PTK2B: variants seen among roughly 807,000 people sequenced by gnomAD.
PTK2B encodes the protein protein-tyrosine kinase 2-beta.
A neutral mutation model predicts 142.9 loss-of-function variants in PTK2B; 71 were observed. The observed-to-expected ratio is 0.50, with a 90% confidence interval of 0.41 to 0.61. PTK2B has a LOEUF of 0.61. Ranked by LOEUF, PTK2B falls within the 20% of genes least tolerant of loss-of-function variation. The pLI, the probability that PTK2B is intolerant of heterozygous loss-of-function variation, is 0.00. For missense variants in PTK2B, 1,105 were observed against 1,320.4 expected (o/e 0.84, Z 2.53); for synonymous variants, 519 against 503.4 (o/e 1.03, Z -0.42).
chr8:27,398,939 T>C (rs1256725260), intron 2 of PTK2B, among the ~76,000 whole-genome samples: 2 of 152,246 alleles, frequency 1.3e-5, no homozygotes, highest in Non-Finnish European at 2.9e-5. Flanking sequence ...TACAGTTTGA[T>C]TGGCTCTCTC....
intron 3 of PTK2B, among the ~76,000 whole-genome samples, chr8:27,319,470 G>C (rs1161276134): frequency 6.6e-6 from 1 of 151,430 alleles, no homozygotes; most frequent in East Asian, 1.9e-4. Flanking sequence ...GTGAAACCCC[G>C]TCTCTACTAA....
chr8:27,375,461 C>T (rs1806608678), intron 1 of PTK2B, among the ~76,000 whole-genome samples: 1 of 152,210 alleles, frequency 6.6e-6, no homozygotes, highest in African/African-American at 2.4e-5. Flanking sequence ...ATGCCATCAT[C>T]ATTTCTGTTC....
intron 4 of PTK2B, among the ~76,000 whole-genome samples, chr8:27,421,601 C>T (rs1442453089): frequency 1.3e-5 from 2 of 152,246 alleles, no homozygotes; most frequent in African/African-American, 4.8e-5. Flanking sequence ...TGGTCTCCAA[C>T]TCCATCCAGG....
chr8:27,425,718 C>T (rs1810044252), intron 5 of PTK2B, among the ~76,000 whole-genome samples: 1 of 152,146 alleles, frequency 6.6e-6, no homozygotes, highest in Non-Finnish European at 1.5e-5. Context: ...CTATATCTAC[C>T]ATTATAGCAT....
chr8:27,449,578 A>G (rs6557999), intron 24 of PTK2B, among the ~76,000 whole-genome samples: 30,005 of 152,288 alleles, frequency 0.2, 2,990 homozygotes, highest in Middle Eastern at 0.23. Flanking sequence ...GGGACCTGCC[A>G]GCTTAGATGT....
intron 1 of PTK2B, among the ~76,000 whole-genome samples, chr8:27,375,152 T>C (rs1436696860): frequency 6.6e-6 from 1 of 152,140 alleles, no homozygotes; most frequent in Non-Finnish European, 1.5e-5. Flanking sequence ...CTCACAATCA[T>C]GAGGAGGACA....
intron 1 of PTK2B, among the ~76,000 whole-genome samples, chr8:27,337,514 G>A (rs1804146210): frequency 6.6e-6 from 1 of 152,160 alleles, no homozygotes; most frequent in African/African-American, 2.4e-5. Context: ...GTCACACCGT[G>A]TTCTCCACTC....
At chr8:27,410,061 T>A (rs1263718655) in intron 2 of PTK2B, among the ~76,000 whole-genome samples, 1 of 152,208 alleles carries the variant, frequency 6.6e-6, no homozygotes, top group African/African-American at 2.4e-5. Context: ...GTAGTTTATT[T>A]ATTAAAATGT....
intron 1 of PTK2B, among the ~76,000 whole-genome samples, chr8:27,357,871 C>T (rs1361197873): frequency 6.6e-6 from 1 of 152,156 alleles, no homozygotes; most frequent in South Asian, 2.1e-4. Flanking sequence ...AATATGGTCC[C>T]TAGCCTCATG....
intron 1 of PTK2B, among the ~76,000 whole-genome samples, chr8:27,391,882 G>T (rs1297052795): frequency 6.6e-6 from 1 of 152,152 alleles, no homozygotes; most frequent in Admixed American, 6.5e-5. Context: ...CAGATTTGGG[G>T]GCCAGGAGGC....
chr8:27,440,333 T>C lies in PTK2B; in HGVS notation c.1931T>C (p.Leu644Pro). 1 of 1,614,212 alleles carries C rather than the reference T, an allele frequency of 6.2e-7. No individual in the cohort carries two copies. The highest frequency in any genetic ancestry group is 2.2e-5 in the East Asian group (1 of 44,874). ...VIGVLEKGDR[L>P]PKPDLCPPVL... ...GGGGTGCTGGAGAAAGGAGACCGGC[T>C]GCCCAAGCCTGATCTCTGTCCACCG... The change falls in exon 21 of 31, where the codon CTG becomes CCG. Residue 644 changes from leucine to proline, a missense_variant. Transcript: ENST00000346049.
At chr8:27,385,236 G>A (rs1460284987) in intron 1 of PTK2B, among the ~76,000 whole-genome samples, 1 of 152,198 alleles carries the variant, frequency 6.6e-6, no homozygotes, top group East Asian at 1.9e-4. Flanking sequence ...TCTGTTACCT[G>A]CTGCTGTTTC....
chr8:27,374,774 C>T (rs1806567154), intron 1 of PTK2B, among the ~76,000 whole-genome samples: 1 of 152,154 alleles, frequency 6.6e-6, no homozygotes, highest in Non-Finnish European at 1.5e-5. Flanking sequence ...AGTGGGGCCC[C>T]ATGTCAAAGC....
intron 21 of PTK2B, among the ~76,000 whole-genome samples, chr8:27,441,819 G>A (rs1250724171): frequency 6.6e-6 from 1 of 152,232 alleles, no homozygotes; most frequent in Non-Finnish European, 1.5e-5. Flanking sequence ...GGAGCTGGGA[G>A]TCCTGATTCA....
Position 27,319,843 on chromosome 8 carries a change from G to A in PTK2B, c.-413-2559G>A, listed in dbSNP as rs1803172652. ...CTAAAAGAAAATAGGATAAATGGTG[G>A]TGTATTAGCTAGGATGCTCTGAAGA... On this transcript the variant is annotated intron_variant, in intron 3 of 35. Transcript: ENST00000397501. Among the ~76,000 whole-genome samples, 5 of 152,218 alleles carry A rather than the reference G, an allele frequency of 3.3e-5. No homozygotes were observed. The South Asian group carries it at 6.2e-4, about 19-fold the overall frequency.
At chr8:27,438,914 G>A (rs1218252639) in intron 18 of PTK2B, 117 bp from the exon 19 acceptor site, 58 of 944,314 alleles carry the variant, frequency 6.1e-5, no homozygotes, top group Admixed American at 1.7e-4. Flanking sequence ...CTGCTCTGGA[G>A]TCCGAGTCCC....
At chr8:27,364,444 G>C (rs142597238) in intron 1 of PTK2B, among the ~76,000 whole-genome samples, 4 of 152,362 alleles carry the variant, frequency 2.6e-5, no homozygotes, top group South Asian at 4.1e-4. Flanking sequence ...CAATAAGCCA[G>C]ATGTGCTGAA....
intron 10 of PTK2B, 129 bp downstream of exon 10, chr8:27,432,490 G>A (rs752060023): frequency 6.0e-5 from 48 of 804,880 alleles, no homozygotes; most frequent in Non-Finnish European, 9.0e-5. Context: ...TGGGGATCGT[G>A]TTAAGAAAAC....
intron 12 of PTK2B, 80 bp from the exon 13 acceptor site, chr8:27,434,433 G>A: frequency 7.0e-7 from 1 of 1,437,920 alleles, no homozygotes; most frequent in Non-Finnish European, 9.5e-7. Flanking sequence ...GGGGCAGGAG[G>A]AGAGGGCGGG....
Sources: allele counts gnomAD v4.1 joint callset (sites outside exome capture counted in the v4.1 genomes callset), GRCh38; gene constraint gnomAD v4.1.1; transcripts MANE v1.5; gene names NCBI Gene and HGNC (gene_info 2026-07-23, HGNC 2026-07-21).